TBCK: variants seen among roughly 807,000 people sequenced by gnomAD.
TBCK encodes the protein TBC domain-containing protein kinase-like protein.
In TBCK, 99 loss-of-function variants were observed where a neutral mutation model predicts 113.4. The ratio of observed to expected loss-of-function variants is 0.87; its 90% CI spans 0.74 to 1.03. The LOEUF (loss-of-function observed/expected upper bound fraction) is 1.03, where lower values mean the gene tolerates loss of function less well. TBCK is among the 50% of genes least tolerant of loss of function. The pLI is 0.00. For missense variants in TBCK, 1,045 were observed against 1,061.3 expected, an observed-to-expected ratio of 0.98 and a Z score of 0.21; for synonymous variants, 369 against 370.8, an observed-to-expected ratio of 1.00 and a Z score of 0.05.
rs1733892276 is a variant in TBCK at position 106,041,814 on chromosome 4, C to T, written c.*4756G>A. On this transcript the variant is annotated 3_prime_UTR_variant, in exon 26 of 26. Transcript: ENST00000394708. ...TATAGAACACTGAATATGCCAAGAT[C>T]CAAGTTTAGTTTTCATGTTACAAGC... The T allele has an allele frequency of 6.6e-6, 1 of 152,136 alleles. No homozygotes were observed. Among genetic ancestry groups the T allele is most frequent in the Non-Finnish European group, 1.5e-5 (1 of 68,026 alleles). 9.4% of individuals were successfully genotyped at this position (152,136 alleles called of 1,614,324 possible).
chr4:106,067,064 T>C (rs1388186600), intron 25 of TBCK, among the ~76,000 whole-genome samples: 5 of 152,202 alleles, frequency 3.3e-5, no homozygotes, highest in African/African-American at 7.2e-5. Context: ...GGCAATTCCA[T>C]ATTTACTTTT....
At chr4:106,176,615 T>TCAATAGCCAAC (rs1306237531) in intron 22 of TBCK, among the ~76,000 whole-genome samples, 3 of 152,082 alleles carry the variant, frequency 2.0e-5, no homozygotes, top group African/African-American at 7.2e-5. Context: ...GTATGTTGGC[T>TCAATAGCCAAC]ATTGTGAATA....
chr4:106,105,047 C>G (rs923098059), intron 24 of TBCK, among the ~76,000 whole-genome samples: 3 of 152,246 alleles, frequency 2.0e-5, no homozygotes, highest in African/African-American at 7.2e-5. Context: ...CCAGAGCCTA[C>G]AGGGGCAAAT....
rs183649132 is a variant in TBCK at position 106,177,192 on chromosome 4, G to A, written c.2060-5922C>T. 1.7e-3 allele frequency among the ~76,000 whole-genome samples: 265 copies of A among 151,948 alleles called. 1 individual carries two copies. Among genetic ancestry groups the A allele is most frequent in the African/African-American group, 6.0e-3 (249 of 41,506 alleles). ...GATCATCTACCCGTTTTTTAAATAG[G>A]ATTGTTTTTTGGCTATTCATTTGAG... is the stretch of plus-strand genomic sequence containing the variant. On this transcript the variant is annotated intron_variant, in intron 22 of 25. Transcript: ENST00000394708.
chr4:106,066,603 T>C lies in TBCK; in HGVS notation c.2572-19923A>G, dbSNP rs183262724. On this transcript the variant is annotated intron_variant, in intron 25 of 25. Transcript: ENST00000394708. ...GGTTTTAAGTACGCTTGCAATACTGTACAACCATCACCACTAGTTATTTCC... is the reference window on the plus strand; with the variant it reads ...GGTTTTAAGTACGCTTGCAATACTGCACAACCATCACCACTAGTTATTTCC... Among the ~76,000 whole-genome samples, 134 of 152,172 alleles carry C rather than the reference T, an allele frequency of 8.8e-4. 1 individual carries two copies. Among genetic ancestry groups the C allele is most frequent in the Admixed American group, 3.8e-3 (58 of 15,260 alleles).
At chr4:106,162,993 A>G (rs1218065344) in intron 23 of TBCK, among the ~76,000 whole-genome samples, 1 of 152,072 alleles carries the variant, frequency 6.6e-6, no homozygotes, top group Non-Finnish European at 1.5e-5. Flanking sequence ...TCACATTATC[A>G]GGCTGCAAAT....
At chr4:106,267,775 TA>T (rs751163821) in intron 3 of TBCK, among the ~76,000 whole-genome samples, 153 of 152,154 alleles carry the variant, frequency 1.0e-3, no homozygotes, top group Non-Finnish European at 1.9e-3. Flanking sequence ...ATCCCAAGTA[TA>T]TTTTTTTATC....
chr4:106,069,575 G>C (rs964567544), intron 25 of TBCK, among the ~76,000 whole-genome samples: 15 of 152,290 alleles, frequency 9.8e-5, no homozygotes, highest in African/African-American at 3.1e-4. Context: ...AAGTCAGGTA[G>C]CATGATGCCT....
At chr4:106,283,903 G>C (rs1192858070) in intron 3 of TBCK, among the ~76,000 whole-genome samples, 2 of 152,108 alleles carry the variant, frequency 1.3e-5, no homozygotes, top group African/African-American at 2.4e-5. Flanking sequence ...CAATGCAATA[G>C]CCAAGCTGTT....
chr4:106,229,108 A>C (rs376946559), intron 19 of TBCK, among the ~76,000 whole-genome samples: 36 of 152,010 alleles, frequency 2.4e-4, no homozygotes, highest in African/African-American at 7.9e-4. Flanking sequence ...TTTTTTTTCT[A>C]TAGAGTTATC....
Position 106,292,552 on chromosome 4 carries a change from A to C in TBCK, c.266+2542T>G, listed in dbSNP as rs561984154. Among the ~76,000 whole-genome samples the C allele has an allele frequency of 4.1e-3, 619 of 150,990 alleles. 4 individuals carry two copies. Among genetic ancestry groups the C allele is most frequent in the Non-Finnish European group, 6.9e-3 (465 of 67,776 alleles). ...GCCACTGCACTCCAGCCTGGGCGAC[A>C]GAGCAAGACTCCATCTCAAAAAAAA... On this transcript the variant is annotated intron_variant, in intron 3 of 25. Coordinates refer to ENST00000394708, the MANE Select transcript of TBCK (RefSeq NM_001163435.3).
intron 3 of TBCK, among the ~76,000 whole-genome samples, chr4:106,276,769 C>T (rs929897469): frequency 6.6e-6 from 1 of 151,852 alleles, no homozygotes; most frequent in Non-Finnish European, 1.5e-5. Flanking sequence ...GTGGAGGGCC[C>T]CTGTAATCCC....
At chr4:106,263,040 A>T (rs1020504245) in intron 3 of TBCK, among the ~76,000 whole-genome samples, 1 of 151,998 alleles carries the variant, frequency 6.6e-6, no homozygotes. Flanking sequence ...GAAAAGTTCA[A>T]ATCTCAGAGC....
chr4:106,272,696 C>A (rs928531009), intron 3 of TBCK, among the ~76,000 whole-genome samples: 1 of 151,680 alleles, frequency 6.6e-6, no homozygotes, highest in Non-Finnish European at 1.5e-5. Flanking sequence ...GGGGTTTCAC[C>A]GTGTTAGCCA....
At chr4:106,102,406 C>T (rs1199253988) in intron 24 of TBCK, among the ~76,000 whole-genome samples, 1 of 152,096 alleles carries the variant, frequency 6.6e-6, no homozygotes, top group Non-Finnish European at 1.5e-5. Flanking sequence ...ATTCATAACA[C>T]AAGCTAAATG....
chr4:106,295,213 T>C (rs567418310), intron 2 of TBCK, 47 bp from the exon 3 acceptor site: 1 of 1,555,588 alleles, frequency 6.4e-7, no homozygotes, highest in Non-Finnish European at 8.8e-7. Flanking sequence ...CAATACAACA[T>C]GTTAAAAACA....
chr4:106,286,611 G>A (rs566250449), intron 3 of TBCK, among the ~76,000 whole-genome samples: 27 of 152,180 alleles, frequency 1.8e-4, no homozygotes, highest in Middle Eastern at 3.4e-3. Context: ...AAGATCACTC[G>A]GGCCTAGGAG....
At chr4:106,158,253 G>A (rs576795215) in intron 23 of TBCK, among the ~76,000 whole-genome samples, 13 of 152,220 alleles carry the variant, frequency 8.5e-5, no homozygotes, top group South Asian at 2.1e-4. Context: ...AGACCAGTCA[G>A]AAAATTGTAC....
At chr4:106,089,502 T>C (rs1739940005) in intron 25 of TBCK, among the ~76,000 whole-genome samples, 1 of 152,150 alleles carries the variant, frequency 6.6e-6, no homozygotes, top group Non-Finnish European at 1.5e-5. Flanking sequence ...GCCTCTGCAA[T>C]AGTCCACCAA....
Sources: allele counts gnomAD v4.1 joint callset (sites outside exome capture counted in the v4.1 genomes callset), GRCh38; gene constraint gnomAD v4.1.1; transcripts MANE v1.5; gene names NCBI Gene and HGNC (gene_info 2026-07-23, HGNC 2026-07-21).